Variants in SLIT3 observed in about 807,000 individuals in gnomAD.
SLIT3 encodes slit homolog 3 protein.
Under a neutral mutation model 184.0 loss-of-function variants are expected in SLIT3, and 68 were observed. The observed-to-expected ratio is 0.37, with a 90% confidence interval of 0.30 to 0.45. The LOEUF is 0.45. Among genes scored for constraint, SLIT3 ranks in the 20% least tolerant of loss-of-function variants. The pLI is 1.00. For missense variants in SLIT3, 1,707 were observed against 2,026.0 expected (o/e 0.84, Z 3.02); for synonymous variants, 831 against 828.6 (o/e 1.00, Z -0.05).
chr5:169,166,661 C>G (rs180879088), intron 4 of SLIT3, among the ~76,000 whole-genome samples: 2 of 152,290 alleles, frequency 1.3e-5, no homozygotes, highest in Admixed American at 1.3e-4. Flanking sequence ...CCAATATCAC[C>G]TTCCTAATGC....
intron 3 of SLIT3, among the ~76,000 whole-genome samples, chr5:169,207,819 T>A (rs1314080668): frequency 6.6e-6 from 1 of 152,156 alleles, no homozygotes; most frequent in Non-Finnish European, 1.5e-5. Context: ...GGAGCCCTCA[T>A]GAATGGGATT....
chr5:169,287,180 CT>C (rs1454286352), intron 1 of SLIT3, among the ~76,000 whole-genome samples: 1 of 152,200 alleles, frequency 6.6e-6, no homozygotes. Flanking sequence ...CATGAAGCAA[CT>C]GGCCTTCCCA....
intron 5 of SLIT3, among the ~76,000 whole-genome samples, chr5:168,876,597 C>A (rs541393889): frequency 6.6e-6 from 1 of 152,328 alleles, no homozygotes; most frequent in East Asian, 1.9e-4. Flanking sequence ...TACATTTCCC[C>A]TAGATGAACT....
chr5:168,954,575 CA>C (rs1380237310), intron 4 of SLIT3, among the ~76,000 whole-genome samples: 5 of 152,134 alleles, frequency 3.3e-5, no homozygotes, highest in African/African-American at 4.8e-5. Context: ...TTCAAGATTA[CA>C]AAAATATTTC....
At chr5:169,124,338 A>C (rs988688585) in intron 4 of SLIT3, among the ~76,000 whole-genome samples, 1 of 152,190 alleles carries the variant, frequency 6.6e-6, no homozygotes, top group East Asian at 1.9e-4. Flanking sequence ...ACACATACAC[A>C]CACACATAGA....
At position 168,684,198 on chromosome 5, in the gene SLIT3, G is replaced by A. The variant is rs567021050; in HGVS notation, c.3556-102C>T. 6.6e-6 allele frequency: 8 copies of A among 1,221,294 alleles called. No homozygotes were observed. In the African/African-American group the frequency reaches 9.2e-5, roughly 14 times the overall value. 75.7% of individuals were successfully genotyped at this position (1,221,294 alleles called of 1,614,324 possible). On this transcript the variant is annotated intron_variant, in intron 31 of 35. Coordinates refer to ENST00000519560, the MANE Select transcript of SLIT3 (RefSeq NM_003062.4). ...CTTCCAGGCAGCAGCTTCTGAATCT[G>A]TGCTGCGTCTAAATTCATGTCCATC...
chr5:169,275,352 CTTTCTACTGCT>C (rs903651114), intron 1 of SLIT3, among the ~76,000 whole-genome samples: 1 of 152,218 alleles, frequency 6.6e-6, no homozygotes, highest in Admixed American at 6.5e-5. Context: ...AACCCATAGC[CTTTCTACTGCT>C]GTAAAATCAC....
At chr5:169,201,272 G>A (rs999324611) in intron 3 of SLIT3, among the ~76,000 whole-genome samples, 4 of 152,172 alleles carry the variant, frequency 2.6e-5, no homozygotes, top group African/African-American at 9.7e-5. Flanking sequence ...GGAGAAAGAA[G>A]TTTGTGGTCA....
At chr5:168,930,231 T>G (rs1761945393) in intron 4 of SLIT3, among the ~76,000 whole-genome samples, 1 of 152,208 alleles carries the variant, frequency 6.6e-6, no homozygotes, top group Non-Finnish European at 1.5e-5. Flanking sequence ...CCCGCATTTT[T>G]GCCAAAAGAA....
intron 1 of SLIT3, among the ~76,000 whole-genome samples, chr5:169,292,845 G>C (rs531025216): frequency 2.0e-4 from 30 of 152,306 alleles, no homozygotes; most frequent in Middle Eastern, 3.4e-3. Flanking sequence ...CTAGAAGAGG[G>C]GACAACAAGC....
At chr5:168,791,034 G>C (rs951483674) in intron 10 of SLIT3, 1 of 152,180 alleles carries the variant, frequency 6.6e-6, no homozygotes, top group East Asian at 1.9e-4. Context: ...TCACAAACTC[G>C]TCAGCTTACA....
intron 3 of SLIT3, among the ~76,000 whole-genome samples, chr5:169,240,760 T>C (rs1264852100): frequency 6.6e-6 from 1 of 151,692 alleles, no homozygotes; most frequent in East Asian, 1.9e-4. Flanking sequence ...ATGTATCATC[T>C]TTCTGTTTGT....
chr5:169,226,973 C>T (rs562087525), intron 3 of SLIT3, among the ~76,000 whole-genome samples: 6 of 152,368 alleles, frequency 3.9e-5, no homozygotes, highest in South Asian at 4.1e-4. Flanking sequence ...TCACACCCCT[C>T]GGCCCTGCCT....
intron 4 of SLIT3, among the ~76,000 whole-genome samples, chr5:169,089,411 G>A (rs1759482097): frequency 6.6e-6 from 1 of 152,170 alleles, no homozygotes; most frequent in Non-Finnish European, 1.5e-5. Flanking sequence ...AAACTCCAAG[G>A]CAGGGTTAGC....
intron 4 of SLIT3, among the ~76,000 whole-genome samples, chr5:169,060,787 T>A (rs1168930010): frequency 6.6e-6 from 1 of 152,194 alleles, no homozygotes; most frequent in Non-Finnish European, 1.5e-5. Context: ...TGGAGCAGTG[T>A]CCATACCGGG....
intron 18 of SLIT3, among the ~76,000 whole-genome samples, chr5:168,750,534 C>G (rs1473302942): frequency 6.6e-6 from 1 of 152,200 alleles, no homozygotes. Flanking sequence ...GGCTCTGACA[C>G]TCAGTAGCTG....
intron 8 of SLIT3, among the ~76,000 whole-genome samples, chr5:168,810,764 T>C (rs1362790800): frequency 6.6e-6 from 1 of 152,148 alleles, no homozygotes; most frequent in African/African-American, 2.4e-5. Flanking sequence ...GAGCAGAGCC[T>C]GGGAGAATGG....
chr5:169,099,649 C>G (rs1382839010), intron 4 of SLIT3, among the ~76,000 whole-genome samples: 1 of 152,224 alleles, frequency 6.6e-6, no homozygotes, highest in Non-Finnish European at 1.5e-5. Flanking sequence ...GAAATCCAGG[C>G]AGTCTGCCTT....
rs1302569803 is a variant in SLIT3, at chr5:169,143,340, T to A, written c.413+50139A>T. 2.0e-5 allele frequency among the ~76,000 whole-genome samples: 3 copies of A among 152,334 alleles called. No individual in the cohort carries two copies. In the East Asian group the frequency reaches 5.8e-4, roughly 29 times the overall value. On this transcript the variant is annotated intron_variant, in intron 4 of 35. Coordinates refer to ENST00000519560, the MANE Select transcript of SLIT3 (RefSeq NM_003062.4). ...TAGATAGACAGTCTCACCTTCCTTT[T>A]GAAGATGTAGAAACTGATTCTTAAA...
Sources: gnomAD v4.1 joint callset for allele counts (sites outside exome capture counted in the v4.1 genomes callset) on GRCh38, gnomAD v4.1.1 for gene constraint, MANE v1.5 for transcripts, NCBI Gene and HGNC (gene_info 2026-07-23, HGNC 2026-07-21) for gene names.